The following CDH23 variants were observed in gnomAD, a reference collection of about 807,000 sequenced individuals.
The protein encoded by CDH23 is cadherin-23.
A neutral mutation model predicts 317.1 loss-of-function variants in CDH23; 189 were observed. That is an observed-to-expected ratio of 0.60 (90% CI 0.53 to 0.67). The LOEUF is 0.67. Among genes scored for constraint, CDH23 ranks in the 30% least tolerant of loss-of-function variants. The pLI, the probability that CDH23 is intolerant of heterozygous loss-of-function variation, is 0.00. For missense variants in CDH23, 4,401 were observed against 4,592.4 expected, an observed-to-expected ratio of 0.96 and a Z score of 1.20; for synonymous variants, 1,839 against 1,876.8, an observed-to-expected ratio of 0.98 and a Z score of 0.52.
chr10:71,797,932 A>C (rs537965778), intron 49 of CDH23, among the ~76,000 whole-genome samples: 1 of 152,280 alleles, frequency 6.6e-6, no homozygotes, highest in Admixed American at 6.5e-5. Context: ...GCTTATCTTC[A>C]CAGCCCAGAA....
intron 38 of CDH23, chr10:71,760,913 G>A (rs1158215128): frequency 1.9e-6 from 3 of 1,613,828 alleles, no homozygotes; most frequent in South Asian, 1.1e-5. Context: ...CAGTTGGATG[G>A]TGCATCTTTG....
chr10:71,531,814 G>T (rs1025576743), intron 6 of CDH23, among the ~76,000 whole-genome samples: 1 of 152,136 alleles, frequency 6.6e-6, no homozygotes, highest in Non-Finnish European at 1.5e-5. Flanking sequence ...GTGCCTCAGG[G>T]TCAGCTTTGA....
At chr10:71,518,424 C>T (rs991003931) in intron 6 of CDH23, among the ~76,000 whole-genome samples, 2 of 152,172 alleles carry the variant, frequency 1.3e-5, no homozygotes, top group Non-Finnish European at 1.5e-5. Context: ...CTGGGGTAAG[C>T]GACAGGGAAC....
chr10:71,727,941 G>A (rs1035473720), intron 30 of CDH23, among the ~76,000 whole-genome samples: 5 of 152,148 alleles, frequency 3.3e-5, no homozygotes, highest in Admixed American at 6.5e-5. Flanking sequence ...GCTAAAAACA[G>A]GCTGAAACCG....
chr10:71,813,229 C>T lies in CDH23; in HGVS notation c.9634-15C>T. Reference sequence around the variant, plus strand: ...GGGAGGGCCTTGGTGGGGGTTAACCCTTTCCCTCCCCCAGGGCTCGCTGCT... The same window carrying T: ...GGGAGGGCCTTGGTGGGGGTTAACCTTTTCCCTCCCCCAGGGCTCGCTGCT... On this transcript the variant is annotated splice_polypyrimidine_tract_variant and intron_variant, in intron 68 of 69. Coordinates refer to ENST00000224721, the MANE Select transcript of CDH23 (RefSeq NM_022124.6). 2.6e-6 allele frequency: 4 copies of T among 1,550,526 alleles called. No homozygotes were observed. Among genetic ancestry groups the T allele is most frequent in the Non-Finnish European group, 3.5e-6 (4 of 1,146,156 alleles).
At position 71,677,470 on chromosome 10, in the gene CDH23, A is replaced by G; in HGVS notation, c.1529A>G (p.Lys510Arg). The change falls in exon 16 of 70, where the codon AAG becomes AGG. Residue 510 changes from lysine to arginine, a missense_variant. Lys to Arg is a conservative substitution (Grantham distance 26). This residue lies in a region of CDH23 where 3,068 missense variants were observed against 3,203.3 expected (regional missense o/e 0.96). Coordinates refer to ENST00000224721, the MANE Select transcript of CDH23 (RefSeq NM_022124.6). ...GCCTGGCACAGGTTCTCGCTGGACA[A>G]GGACACGGGACTCATCATGCTGATT... ...SDDPDRFSLD[K>R]DTGLIMLIAR... The G allele has an allele frequency of 6.2e-7, 1 of 1,607,716 alleles. No homozygotes were observed. The highest frequency in any genetic ancestry group is 8.5e-7 in the Non-Finnish European group (1 of 1,176,588).
chr10:71,756,707 G>A (rs1840158564), intron 38 of CDH23, among the ~76,000 whole-genome samples: 1 of 152,148 alleles, frequency 6.6e-6, no homozygotes, highest in Non-Finnish European at 1.5e-5. Flanking sequence ...CAACATAAAC[G>A]CATTTCCTTC....
chr10:71,509,169 T>G (rs558790822), intron 3 of CDH23, among the ~76,000 whole-genome samples: 1 of 152,134 alleles, frequency 6.6e-6, no homozygotes, highest in Non-Finnish European at 1.5e-5. Flanking sequence ...TAGACTGGAG[T>G]TCCTTGAGGC....
chr10:71,735,027 G>C (rs1839518541), intron 34 of CDH23, among the ~76,000 whole-genome samples: 1 of 152,228 alleles, frequency 6.6e-6, no homozygotes, highest in African/African-American at 2.4e-5. Flanking sequence ...CTAAAACGAG[G>C]GTCATGCCAG....
At position 71,808,608 on chromosome 10, in the gene CDH23, G is replaced by A. The variant is rs1841815476; in HGVS notation, c.8722+601G>A. On this transcript the variant is annotated intron_variant, in intron 60 of 69. Coordinates refer to ENST00000224721, the MANE Select transcript of CDH23 (RefSeq NM_022124.6). ...CTGAGACCCTCTGGGTCAGGCTCTA[G>A]AAGATGCCCCTGTGGGTGTCCCATT... Among the ~76,000 whole-genome samples, 4 of 152,182 alleles carry A rather than the reference G, an allele frequency of 2.6e-5. No individual in the cohort carries two copies. In the South Asian group the frequency reaches 8.3e-4, roughly 32 times the overall value.
At chr10:71,496,389 G>C (rs185146346) in intron 3 of CDH23, among the ~76,000 whole-genome samples, 80 of 152,256 alleles carry the variant, frequency 5.3e-4, no homozygotes, top group African/African-American at 1.5e-3. Flanking sequence ...TGTGCCTGGG[G>C]TGCCCCCATT....
intron 39 of CDH23, 125 bp from the exon 40 acceptor site, chr10:71,778,064 G>A: frequency 6.8e-7 from 1 of 1,466,202 alleles, no homozygotes; most frequent in South Asian, 1.3e-5. Context: ...TGGAGCCTGG[G>A]CTAGGGGGTG....
At chr10:71,644,341 A>G (rs1862726115) in intron 12 of CDH23, among the ~76,000 whole-genome samples, 1 of 152,254 alleles carries the variant, frequency 6.6e-6, no homozygotes, top group African/African-American at 2.4e-5. Flanking sequence ...AGGCTTTAAG[A>G]AAAGTCTAAA....
At chr10:71,529,798 T>C (rs1855256134) in intron 6 of CDH23, among the ~76,000 whole-genome samples, 1 of 151,984 alleles carries the variant, frequency 6.6e-6, no homozygotes, top group Non-Finnish European at 1.5e-5. Flanking sequence ...AAACAGGCCC[T>C]TTCCTGCCTC....
intron 19 of CDH23, 74 bp downstream of exon 19, chr10:71,687,793 G>A: frequency 7.2e-7 from 1 of 1,392,312 alleles, no homozygotes; most frequent in Non-Finnish European, 1.0e-6. Flanking sequence ...AGGATGTGCA[G>A]ACCCCGGCTC....
At chr10:71,403,447 T>C (rs1209137346) in intron 1 of CDH23, among the ~76,000 whole-genome samples, 1 of 66,218 alleles carries the variant, frequency 1.5e-5, no homozygotes, top group Non-Finnish European at 2.6e-5. Context: ...CTTCCTTCCT[T>C]CCTTCCTTTC....
intron 2 of CDH23, among the ~76,000 whole-genome samples, chr10:71,444,966 G>T (rs1392910549): frequency 6.6e-6 from 1 of 152,164 alleles, no homozygotes; most frequent in Non-Finnish European, 1.5e-5. Context: ...CCTACTGAAG[G>T]CCCCTAAGAG....
At chr10:71,811,679 C>A in intron 64 of CDH23, 34 bp from the exon 65 acceptor site, 1 of 1,613,044 alleles carries the variant, frequency 6.2e-7, no homozygotes, top group Non-Finnish European at 8.5e-7. Flanking sequence ...GTCAGCTTGG[C>A]CCCCCTCACC....
intron 6 of CDH23, among the ~76,000 whole-genome samples, chr10:71,562,490 T>G (rs1439371456): frequency 6.6e-6 from 1 of 152,148 alleles, no homozygotes; most frequent in Non-Finnish European, 1.5e-5. Context: ...GGCCTGGCAC[T>G]TTGCTTGCTG....
Sources: gnomAD v4.1 joint callset for allele counts (sites outside exome capture counted in the v4.1 genomes callset) on GRCh38, gnomAD v4.1.1 for gene constraint, gnomAD v4.1.1 regional missense constraint, MANE v1.5 for transcripts, NCBI Gene and HGNC (gene_info 2026-07-23, HGNC 2026-07-21) for gene names.